The following PPARGC1A variants were observed in gnomAD, a reference collection of about 807,000 sequenced individuals.
The protein encoded by PPARGC1A is PPARG coactivator 1 alpha, also known as peroxisome proliferator-activated receptor gamma coactivator 1-alpha.
A neutral mutation model predicts 88.7 loss-of-function variants in PPARGC1A; 25 were observed. The ratio of observed to expected loss-of-function variants is 0.28; its 90% confidence interval spans 0.21 to 0.39. PPARGC1A has a LOEUF of 0.39. Ranked by LOEUF, PPARGC1A falls within the 10% of genes least tolerant of loss-of-function variation. The pLI is 1.00. For synonymous variants in PPARGC1A, 363 were observed against 355.6 expected, an observed-to-expected ratio of 1.02 and a Z score of -0.24; for missense variants, 880 against 968.7, an observed-to-expected ratio of 0.91 and a Z score of 1.22.
intron 7 of PPARGC1A, chr4:23,820,654 GT>G: frequency 9.1e-6 from 4 of 439,292 alleles, no homozygotes; most frequent in Non-Finnish European, 1.8e-5. Flanking sequence ...AAAGAGAAGA[GT>G]TTTTTTATCA....
chr4:24,470,271 GAC>G, the PPARGC1A span, among the ~76,000 whole-genome samples: 265 of 72,018 alleles, frequency 3.7e-3, 2 homozygotes, highest in Non-Finnish European at 6.5e-3. This position sits in a 1 kb window ranked among gnomAD's most constrained non-coding sequence, Gnocchi z 5.8. Context: ...CTCATCGACA[GAC>G]ACAGACACAC....
At chr4:24,138,424 A>G in the PPARGC1A span, among the ~76,000 whole-genome samples, 1 of 152,190 alleles carries the variant, frequency 6.6e-6, no homozygotes, top group African/African-American at 2.4e-5. Context: ...TAGATACACC[A>G]GGGTATACAG....
the PPARGC1A span, among the ~76,000 whole-genome samples, chr4:23,945,410 A>G: frequency 7.9e-5 from 12 of 152,300 alleles, 1 homozygote; most frequent in East Asian, 1.4e-3. Context: ...AATAGAATTT[A>G]CCATGCAGCT....
At chr4:24,322,834 C>A in the PPARGC1A span, among the ~76,000 whole-genome samples, 4 of 152,308 alleles carry the variant, frequency 2.6e-5, no homozygotes, top group African/African-American at 4.8e-5. Flanking sequence ...GCACAGCCAT[C>A]CACAATGATT....
the PPARGC1A span, among the ~76,000 whole-genome samples, chr4:23,925,501 C>G: frequency 6.6e-6 from 1 of 152,110 alleles, no homozygotes; most frequent in Non-Finnish European, 1.5e-5. Flanking sequence ...CTGCTCTGTG[C>G]TAGACTCTAG....
chr4:24,450,014 A>G, the PPARGC1A span, among the ~76,000 whole-genome samples: 1 of 152,244 alleles, frequency 6.6e-6, no homozygotes, highest in African/African-American at 2.4e-5. Context: ...CCTAACTGGT[A>G]TATATTAGAG....
At chr4:24,263,089 G>A in the PPARGC1A span, among the ~76,000 whole-genome samples, 7 of 152,166 alleles carry the variant, frequency 4.6e-5, no homozygotes, top group Admixed American at 1.3e-4. Flanking sequence ...GAAAAGAGAA[G>A]TCATGGTAGA....
chr4:24,014,669 T>C, the PPARGC1A span, among the ~76,000 whole-genome samples: 1 of 151,940 alleles, frequency 6.6e-6, no homozygotes, highest in Non-Finnish European at 1.5e-5. Context: ...TCATCCTTCT[T>C]CATAGGCAGC....
the PPARGC1A span, among the ~76,000 whole-genome samples, chr4:23,946,845 T>A: frequency 6.6e-6 from 1 of 151,620 alleles, no homozygotes; most frequent in African/African-American, 2.4e-5. Flanking sequence ...CACACACACA[T>A]ACATGTATGT....
intron 7 of PPARGC1A, among the ~76,000 whole-genome samples, chr4:23,821,496 A>T (rs1410493316): frequency 6.6e-6 from 1 of 152,006 alleles, no homozygotes; most frequent in Non-Finnish European, 1.5e-5. Flanking sequence ...GAGGCACAGA[A>T]AAAGAATAAA....
chr4:23,805,027 T>C (rs1719524259), intron 10 of PPARGC1A, among the ~76,000 whole-genome samples: 1 of 152,224 alleles, frequency 6.6e-6, no homozygotes, highest in African/African-American at 2.4e-5. Flanking sequence ...TTCTATTCAC[T>C]ACTGTATTTT....
At chr4:24,452,719 G>A in the PPARGC1A span, among the ~76,000 whole-genome samples, 2 of 152,160 alleles carry the variant, frequency 1.3e-5, no homozygotes, top group African/African-American at 4.8e-5. Flanking sequence ...GAAACACAAG[G>A]ATAAATAAAT....
Position 23,813,671 on chromosome 4 carries a change from G to A in PPARGC1A, c.1793+19C>T, listed in dbSNP as rs34074379. ...CTTAGGAACACCTTTTGTGTTATTA[G>A]GGTTTTGCCAAGGTTTACCTTGAAG... On this transcript the variant is annotated intron_variant, in intron 8 of 12. Transcript: ENST00000264867. 6 of 1,501,128 alleles carry A rather than the reference G, an allele frequency of 4.0e-6. No individual in the cohort carries two copies. The Admixed American group carries it at 1.1e-4, about 27-fold the overall frequency. 93.0% of individuals were successfully genotyped at this position (1,501,128 alleles called of 1,614,324 possible).
the PPARGC1A span, among the ~76,000 whole-genome samples, chr4:24,221,980 G>GGTTAA: frequency 2.6e-5 from 4 of 152,168 alleles, no homozygotes; most frequent in Non-Finnish European, 5.9e-5. Flanking sequence ...AAGTCCCAGT[G>GGTTAA]TTTGGAACAT....
chr4:24,457,609 A>G, the PPARGC1A span, among the ~76,000 whole-genome samples: 1 of 152,132 alleles, frequency 6.6e-6, no homozygotes, highest in Non-Finnish European at 1.5e-5. Flanking sequence ...GCAGTGGCGC[A>G]AACTCGGGTC....
chr4:23,846,425 G>C (rs887781599), intron 2 of PPARGC1A, among the ~76,000 whole-genome samples: 1 of 152,152 alleles, frequency 6.6e-6, no homozygotes, highest in Admixed American at 6.6e-5. Context: ...CTTATCAGGA[G>C]AATAAAAGGA....
intron 2 of PPARGC1A, among the ~76,000 whole-genome samples, chr4:23,843,743 C>T (rs1727478825): frequency 6.6e-6 from 1 of 151,884 alleles, no homozygotes; most frequent in Non-Finnish European, 1.5e-5. Context: ...CATTATCTCC[C>T]AGTTACTAGT....
the PPARGC1A span, among the ~76,000 whole-genome samples, chr4:24,413,693 G>A: frequency 1.3e-5 from 2 of 152,148 alleles, no homozygotes; most frequent in Admixed American, 1.3e-4. Context: ...TTCCGCTGCT[G>A]GCTTCGCAGC....
At chr4:24,027,219 C>CTGTG in the PPARGC1A span, among the ~76,000 whole-genome samples, 6 of 142,068 alleles carry the variant, frequency 4.2e-5, no homozygotes, top group African/African-American at 1.3e-4. Context: ...GTGTGTGTGT[C>CTGTG]TGTGTGTCTG....
Sources: gnomAD v4.1 joint callset for allele counts (sites outside exome capture counted in the v4.1 genomes callset) on GRCh38, gnomAD v4.1.1 for gene constraint, Gnocchi (gnomAD v3.1) non-coding constraint, MANE v1.5 for transcripts, NCBI Gene and HGNC (gene_info 2026-07-23, HGNC 2026-07-21) for gene names.